The following TCF19 variants were observed in gnomAD, a reference collection of about 807,000 sequenced individuals.
The protein encoded by TCF19 is transcription factor SC1.
Under a neutral mutation model 18.3 loss-of-function variants are expected in TCF19, and 9 were observed. The ratio of observed to expected loss-of-function variants is 0.49; its 90% CI spans 0.30 to 0.86. The LOEUF is 0.86. Ranked by LOEUF, TCF19 falls within the 40% of genes least tolerant of loss-of-function variation. TCF19 has a pLI of 0.07. For missense variants in TCF19, 376 were observed against 464.3 expected (o/e 0.81, Z 1.75); for synonymous variants, 176 against 185.3 (o/e 0.95, Z 0.41).
In TCF19 at chr6:31,159,544, C is replaced by G. The variant is rs1167789417; in HGVS notation, c.75C>G (p.Ala25=). The change falls in exon 2 of 4, where the codon GCC becomes GCG. Residue 25 remains alanine (A), a synonymous_variant. Transcript: ENST00000376257. ...ATCTCTACACCTTCCACCCCCCCGCCGGGGCTGGCTGCACCTATCGCTTGG... is the reference window on the plus strand; with the variant it reads ...ATCTCTACACCTTCCACCCCCCCGCGGGGGCTGGCTGCACCTATCGCTTGG... ...GGDLYTFHPP[A]GAGCTYRLGH... is the part of the protein sequence containing the mutation. 1 of 1,607,530 alleles carries G rather than the reference C, an allele frequency of 6.2e-7. No homozygotes were observed. The highest frequency in any genetic ancestry group is 1.3e-5 in the African/African-American group (1 of 74,954).
rs1289972482 is a variant in TCF19, at chr6:31,162,150, AT to A, written c.797+146del. 1.0e-6 allele frequency: 1 copy of A among 965,552 alleles called. No homozygotes were observed. The highest frequency in any genetic ancestry group is 1.5e-6 in the Non-Finnish European group (1 of 674,234). 59.8% of individuals were successfully genotyped at this position (965,552 alleles called of 1,614,324 possible). ...AATGGCAAGACCTGGGTTAGCTCTG[AT>A]AGGAAAAGAAAAATATGTGCAGGAG... On this transcript the variant is annotated intron_variant, in intron 3 of 3. Transcript: ENST00000376257. This position sits in a 1 kb window ranked among gnomAD's most constrained non-coding sequence, Gnocchi z 4.5.
At position 31,159,013 on chromosome 6, in the gene TCF19, A is replaced by G. The variant is rs3095239; in HGVS notation, c.-457A>G. ...TAAGCAAGTTTGACAGGAAGAAGCT[A>G]CTCTTCTCCGAATTACACAGAGGTG... is the stretch of plus-strand genomic sequence containing the variant. On this transcript the variant is annotated 5_prime_UTR_variant, in exon 2 of 4. Coordinates refer to ENST00000376257, the MANE Select transcript of TCF19 (RefSeq NM_007109.3). 0.54 allele frequency: 89,258 copies of G among 163,832 alleles called. 24,756 individuals are homozygous for G. The highest frequency in any genetic ancestry group is 0.63 in the African/African-American group (26,426 of 41,762). 10.1% of individuals were successfully genotyped at this position (163,832 alleles called of 1,614,324 possible). A position where few individuals can be genotyped will look rare whatever the true frequency, so the allele number is the denominator to read the frequency against.
chr6:31,160,717 C>A (rs973178875), intron 2 of TCF19, among the ~76,000 whole-genome samples: 1 of 151,932 alleles, frequency 6.6e-6, no homozygotes, highest in Non-Finnish European at 1.5e-5. Flanking sequence ...TGAGATCGCA[C>A]CACTGCACTC....
chr6:31,159,750 C>G (rs200616370), intron 2 of TCF19, 43 bp downstream of exon 2: 2 of 1,602,038 alleles, frequency 1.2e-6, no homozygotes, highest in South Asian at 2.2e-5. Flanking sequence ...GTGGTTGAAG[C>G]GCCAGGCTGG....
intron 2 of TCF19, among the ~76,000 whole-genome samples, chr6:31,160,602 T>C (rs1776699187): frequency 6.7e-6 from 1 of 149,094 alleles, no homozygotes; most frequent in Non-Finnish European, 1.5e-5. Flanking sequence ...GAAAAAAAAA[T>C]ACAAAAATTA....
intron 1 of TCF19, 75 bp from the exon 2 acceptor site, chr6:31,158,822 C>T (rs1273228715): frequency 6.6e-6 from 1 of 152,082 alleles, no homozygotes; most frequent in African/African-American, 2.4e-5. Flanking sequence ...CTAGAGAAGC[C>T]GGGAAGTAGG....
rs774843313 is a variant in TCF19 at position 31,162,621 on chromosome 6, C to G, written c.942C>G (p.Asp314Glu). The change falls in exon 4 of 4, where the codon GAC (aspartate) becomes GAG (glutamate). Residue 314 changes from aspartate to glutamate, a missense_variant. Asp to Glu is a conservative substitution (Grantham distance 45). Coordinates refer to ENST00000376257, the MANE Select transcript of TCF19 (RefSeq NM_007109.3). This position sits in a 1 kb window ranked among gnomAD's most constrained non-coding sequence, Gnocchi z 4.5. ...CCTGGGTTCAGTGTGATGGCTGTGA[C>G]GTCTGGTTCCATGTGGCCTGTGTTG... ...TVAWVQCDGC[D>E]VWFHVACVGC... 5.0e-6 allele frequency: 8 copies of G among 1,612,944 alleles called. No individual in the cohort carries two copies. In the East Asian group the frequency reaches 1.8e-4, roughly 36 times the overall value.
rs1776909872 is a variant in TCF19 at position 31,163,054 on chromosome 6, T to C, written c.*337T>C. The C allele has an allele frequency of 8.6e-7, 1 of 1,163,348 alleles. No individual in the cohort carries two copies. Among genetic ancestry groups the C allele is most frequent in the Non-Finnish European group, 1.1e-6 (1 of 941,388 alleles). The allele number at this position is 1,163,348 out of a possible 1,614,324, so 72.1% of individuals were successfully genotyped here. A position where few individuals can be genotyped will look rare whatever the true frequency, so the allele number is the denominator to read the frequency against. On this transcript the variant is annotated 3_prime_UTR_variant, in exon 4 of 4. Transcript: ENST00000376257. Reference sequence around the variant, plus strand: ...TTGCAAAAGCCATGCCTGCAACCGATGGAAAATGTAAGAGGGAGTTCTTAA... The same window carrying C: ...TTGCAAAAGCCATGCCTGCAACCGACGGAAAATGTAAGAGGGAGTTCTTAA...
Position 31,162,361 on chromosome 6 carries a change from G to A in TCF19, c.798-116G>A. Reference sequence around the variant, plus strand: ...AAGGACAGAGTCCAGGCTCACCTTAGTTCTCAGACCACTGTGCCTCTGTGG... The same window carrying A: ...AAGGACAGAGTCCAGGCTCACCTTAATTCTCAGACCACTGTGCCTCTGTGG... On this transcript the variant is annotated intron_variant, in intron 3 of 3. Transcript: ENST00000376257. The surrounding 1 kb of genome is among the most constrained non-coding windows in gnomAD (Gnocchi z 4.5). 6 of 1,428,314 alleles carry A rather than the reference G, an allele frequency of 4.2e-6. No homozygotes were observed. Among genetic ancestry groups the A allele is most frequent in the Non-Finnish European group, 5.7e-6 (6 of 1,058,326 alleles). 88.5% of individuals were successfully genotyped at this position (1,428,314 alleles called of 1,614,324 possible). A position where few individuals can be genotyped will look rare whatever the true frequency, so the allele number is the denominator to read the frequency against.
In TCF19 at chr6:31,159,655, C is replaced by T. The variant is rs765561954; in HGVS notation, c.186C>T (p.Ala62=). 6.2e-7 allele frequency: 1 copy of T among 1,613,968 alleles called. No individual in the cohort carries two copies. Among genetic ancestry groups the T allele is most frequent in the Non-Finnish European group, 8.5e-7 (1 of 1,180,058 alleles). Residue 62 remains alanine, a synonymous_variant, in exon 2 of 4, where the codon GCC becomes GCT. Coordinates refer to ENST00000376257, the MANE Select transcript of TCF19 (RefSeq NM_007109.3). The part of the protein sequence containing the change: ...LISGIHAELH[A]EPRGDDWRVS... ...CTGGGATCCACGCCGAACTGCATGC[C>T]GAGCCCCGGGGTGATGACTGGAGGG...
In TCF19 at chr6:31,163,161, G is replaced by T. The variant is rs993733142; in HGVS notation, c.*444G>T. On this transcript the variant is annotated 3_prime_UTR_variant, in exon 4 of 4. Coordinates refer to ENST00000376257, the MANE Select transcript of TCF19 (RefSeq NM_007109.3). ...ACTTCCCTACTCTGTGGCTAGTCCTGCTGCCAACAAAATCGTAGCGACCTG... is the reference window on the plus strand; with the variant it reads ...ACTTCCCTACTCTGTGGCTAGTCCTTCTGCCAACAAAATCGTAGCGACCTG... 9.9e-7 allele frequency: 1 copy of T among 1,008,376 alleles called. No individual in the cohort carries two copies. Among genetic ancestry groups the T allele is most frequent in the Non-Finnish European group, 1.2e-6 (1 of 844,500 alleles). 62.5% of individuals were successfully genotyped at this position (1,008,376 alleles called of 1,614,324 possible).
In TCF19 at chr6:31,162,793, A is replaced by G; in HGVS notation, c.*76A>G. 1 of 1,539,524 alleles carries G rather than the reference A, an allele frequency of 6.5e-7. No homozygotes were observed. Among genetic ancestry groups the G allele is most frequent in the Non-Finnish European group, 8.7e-7 (1 of 1,149,500 alleles). On this transcript the variant is annotated 3_prime_UTR_variant, in exon 4 of 4. Coordinates refer to ENST00000376257, the MANE Select transcript of TCF19 (RefSeq NM_007109.3). The surrounding 1 kb of genome is among the most constrained non-coding windows in gnomAD (Gnocchi z 4.5). ...CAGCGAGCAAATAGGTCTGATAAAT[A>G]CCCCCCTTCCCTTCCCTCCCCAGGA...
Position 31,162,051 on chromosome 6 carries a change from C to T in TCF19, c.797+46C>T, listed in dbSNP as rs1048779347. 9 of 1,547,780 alleles carry T rather than the reference C, an allele frequency of 5.8e-6. No individual in the cohort carries two copies. Among genetic ancestry groups the T allele is most frequent in the East Asian group, 2.3e-5 (1 of 44,052 alleles). Reference sequence around the variant, plus strand: ...GCCCTCTCAGTGTTTTACTGCTTTTCGATTCCTTGTATCCCTAGGCTGTGA... The same window carrying T: ...GCCCTCTCAGTGTTTTACTGCTTTTTGATTCCTTGTATCCCTAGGCTGTGA... On this transcript the variant is annotated intron_variant, in intron 3 of 3. Coordinates refer to ENST00000376257, the MANE Select transcript of TCF19 (RefSeq NM_007109.3). The surrounding 1 kb of genome is among the most constrained non-coding windows in gnomAD (Gnocchi z 4.5).
chr6:31,162,484 C>T lies in TCF19; in HGVS notation c.805C>T (p.Arg269Cys), dbSNP rs186952455. The change falls in exon 4 of 4, where the codon CGT becomes TGT. Residue 269 changes from arginine to cysteine, a missense_variant. Transcript: ENST00000376257. The surrounding 1 kb of genome is among the most constrained non-coding windows in gnomAD (Gnocchi z 4.5). ...CTGTGTCACTTCCTTCAGAAATCGA[C>T]GTGGCCGTCCTCGGAAGTACCCAGT... ...KAPLTPTGNR[R>C]GRPRKYPVSA... 8.7e-6 allele frequency: 14 copies of T among 1,607,926 alleles called. No homozygotes were observed. In the East Asian group the frequency reaches 2.2e-4, roughly 26 times the overall value.
Position 31,164,191 on chromosome 6 carries a change from A to T in TCF19, c.*1474A>T, listed in dbSNP as rs1777007885. 1 of 1,190,544 alleles carries T rather than the reference A, an allele frequency of 8.4e-7. No individual in the cohort carries two copies. Among genetic ancestry groups the T allele is most frequent in the Non-Finnish European group, 1.1e-6 (1 of 951,488 alleles). 73.7% of individuals were successfully genotyped at this position (1,190,544 alleles called of 1,614,324 possible). A position where few individuals can be genotyped will look rare whatever the true frequency, so the allele number is the denominator to read the frequency against. On this transcript the variant is annotated 3_prime_UTR_variant, in exon 4 of 4. Transcript: ENST00000376257. ...GAACTAGCCTATCACAGGGCCCTGT[A>T]CAAATAAACTTGGCTGCAATCCCAG...
chr6:31,159,466 G>A lies in TCF19; in HGVS notation c.-4G>A. ...GAAGAGGTGGTGCAGAGGGGGCACC[G>A]CCCATGCTGCCCTGCTTCCAACTGC... On this transcript the variant is annotated 5_prime_UTR_variant, in exon 2 of 4. Coordinates refer to ENST00000376257, the MANE Select transcript of TCF19 (RefSeq NM_007109.3). 1 of 1,557,294 alleles carries A rather than the reference G, an allele frequency of 6.4e-7. No individual in the cohort carries two copies. The highest frequency in any genetic ancestry group is 8.7e-7 in the Non-Finnish European group (1 of 1,148,926).
chr6:31,162,914 CAA>C lies in TCF19; in HGVS notation c.*199_*200del. ...CAAGACAGAAGAGATGGTTTCCTGC[CAA>C]AGATATTGCCACCTCCAGGAAATTG... On this transcript the variant is annotated 3_prime_UTR_variant, in exon 4 of 4. Transcript: ENST00000376257. The surrounding 1 kb of genome is among the most constrained non-coding windows in gnomAD (Gnocchi z 4.5). The C allele has an allele frequency of 7.1e-7, 1 of 1,402,484 alleles. No individual in the cohort carries two copies. The highest frequency in any genetic ancestry group is 9.2e-7 in the Non-Finnish European group (1 of 1,083,114). 86.9% of individuals were successfully genotyped at this position (1,402,484 alleles called of 1,614,324 possible). A position where few individuals can be genotyped will look rare whatever the true frequency, so the allele number is the denominator to read the frequency against.
chr6:31,159,541 C>G lies in TCF19; in HGVS notation c.72C>G (p.Pro24=), dbSNP rs370395918. The G allele has an allele frequency of 3.7e-6, 6 of 1,606,508 alleles. No individual in the cohort carries two copies. In the South Asian group the frequency reaches 5.5e-5, roughly 15 times the overall value. The change falls in exon 2 of 4, where the codon CCC becomes CCG. Residue 24 remains proline (P), a synonymous_variant. Transcript: ENST00000376257. The stretch of plus-strand genomic sequence containing the variant: ...GTGATCTCTACACCTTCCACCCCCC[C>G]GCCGGGGCTGGCTGCACCTATCGCT... ...RGGDLYTFHP[P]AGAGCTYRLG...
At chr6:31,159,807 C>A in intron 2 of TCF19, 100 bp downstream of exon 2, 1 of 1,222,976 alleles carries the variant, frequency 8.2e-7, no homozygotes, top group Non-Finnish European at 1.2e-6. Context: ...TCCCATACTC[C>A]CATCAGATTG....
Sources: gnomAD v4.1 joint callset for allele counts (sites outside exome capture counted in the v4.1 genomes callset) on GRCh38, gnomAD v4.1.1 for gene constraint, Gnocchi (gnomAD v3.1) non-coding constraint, MANE v1.5 for transcripts, NCBI Gene and HGNC (gene_info 2026-07-23, HGNC 2026-07-21) for gene names.